The following LMNTD1 variants were observed in gnomAD, a reference collection of about 807,000 sequenced individuals.
LMNTD1 encodes lamin tail domain containing 1.
LMNTD1 carries 35 observed loss-of-function variants against 50.9 expected under a neutral mutation model. The ratio of observed to expected loss-of-function variants is 0.69; its 90% CI spans 0.53 to 0.91. The LOEUF (loss-of-function observed/expected upper bound fraction) is 0.91. Among genes scored for constraint, LMNTD1 ranks in the 40% least tolerant of loss-of-function variants. The probability of loss-of-function intolerance (pLI) is 0.00; values close to 1 mark genes in which losing one functional copy is unlikely to be tolerated. For synonymous variants in LMNTD1, 153 were observed against 161.9 expected, an observed-to-expected ratio of 0.94 and a Z score of 0.42; for missense variants, 470 against 475.5, an observed-to-expected ratio of 0.99 and a Z score of 0.11.
At chr12:25,568,100 G>T (rs1324587134) in intron 1 of LMNTD1, among the ~76,000 whole-genome samples, 1 of 152,196 alleles carries the variant, frequency 6.6e-6, no homozygotes, top group Non-Finnish European at 1.5e-5. Context: ...GGACAGTGAA[G>T]TCCAGTCTGA....
At chr12:25,612,977 T>C (rs986937208) in intron 1 of LMNTD1, among the ~76,000 whole-genome samples, 1 of 151,988 alleles carries the variant, frequency 6.6e-6, no homozygotes, top group East Asian at 1.9e-4. Flanking sequence ...AAGAAGGCAA[T>C]GGGATGATGG....
intron 1 of LMNTD1, among the ~76,000 whole-genome samples, chr12:25,562,620 T>C (rs1471547516): frequency 6.6e-6 from 1 of 152,182 alleles, no homozygotes; most frequent in Non-Finnish European, 1.5e-5. Context: ...GTCTTGGAGT[T>C]GGCTCTTCTC....
chr12:25,629,758 A>T (rs1946672837), intron 1 of LMNTD1, among the ~76,000 whole-genome samples: 1 of 152,202 alleles, frequency 6.6e-6, no homozygotes, highest in Non-Finnish European at 1.5e-5. Flanking sequence ...TATTAATTCC[A>T]TGATAGCAGT....
At chr12:25,532,325 T>C (rs1942279704) in intron 4 of LMNTD1, among the ~76,000 whole-genome samples, 1 of 152,166 alleles carries the variant, frequency 6.6e-6, no homozygotes, top group African/African-American at 2.4e-5. Flanking sequence ...AATTGGACAC[T>C]GTACTGGTCT....
chr12:25,532,786 T>G (rs1435009591), intron 4 of LMNTD1, among the ~76,000 whole-genome samples: 6 of 152,206 alleles, frequency 3.9e-5, no homozygotes, highest in African/African-American at 1.2e-4. Context: ...GATGTAGCAT[T>G]TTACTCTTTG....
At chr12:25,525,189 G>A (rs1941619280) in intron 6 of LMNTD1, among the ~76,000 whole-genome samples, 1 of 152,126 alleles carries the variant, frequency 6.6e-6, no homozygotes, top group Admixed American at 6.5e-5. Flanking sequence ...GTGTGTCCAT[G>A]GGTATATATG....
chr12:25,513,951 G>T (rs1210055723), intron 8 of LMNTD1, among the ~76,000 whole-genome samples: 1 of 149,926 alleles, frequency 6.7e-6, no homozygotes, highest in Non-Finnish European at 1.5e-5. Context: ...CATATACCAT[G>T]ACTCAGTATC....
At chr12:25,611,997 G>C (rs1015594503) in intron 1 of LMNTD1, among the ~76,000 whole-genome samples, 1 of 152,066 alleles carries the variant, frequency 6.6e-6, no homozygotes, top group Non-Finnish European at 1.5e-5. Context: ...TCATGGAACA[G>C]CAAAAAATTT....
At chr12:25,612,414 C>A (rs1842740140) in intron 1 of LMNTD1, among the ~76,000 whole-genome samples, 1 of 151,946 alleles carries the variant, frequency 6.6e-6, no homozygotes, top group South Asian at 2.1e-4. Flanking sequence ...GGCTTTGGAC[C>A]ATCTCTGTCC....
intron 1 of LMNTD1, among the ~76,000 whole-genome samples, chr12:25,611,057 TGAAGAGAAC>T (rs978964252): frequency 6.6e-6 from 1 of 151,810 alleles, no homozygotes; most frequent in Non-Finnish European, 1.5e-5. Context: ...AGAAGGAAAG[TGAAGAGAAC>T]GAAGAGAACC....
At chr12:25,547,743 C>T (rs1035607003) in intron 3 of LMNTD1, among the ~76,000 whole-genome samples, 1 of 151,750 alleles carries the variant, frequency 6.6e-6, no homozygotes, top group Non-Finnish European at 1.5e-5. Flanking sequence ...CTTAACAGCT[C>T]ATCTTGAGAA....
chr12:25,580,203 A>G (rs1442062212), intron 1 of LMNTD1, among the ~76,000 whole-genome samples: 1 of 152,162 alleles, frequency 6.6e-6, no homozygotes, highest in Non-Finnish European at 1.5e-5. Context: ...CAGATCATGC[A>G]TCATCTCTAT....
At position 25,519,586 on chromosome 12, in the gene LMNTD1, T is replaced by TAAAAAAAAAAAAAAAAAAAAAA. The variant is rs781742784; in HGVS notation, c.1016+271_1016+272insTTTTTTTTTTTTTTTTTTTTTT. On this transcript the variant is annotated intron_variant, in intron 7 of 9. Transcript: ENST00000458174. The stretch of plus-strand genomic sequence containing the variant: ...CTGGGTGACAGAGCGAGACTCTGTC[T>TAAAAAAAAAAAAAAAAAAAAAA]CAAAAAAAAAAAAAAAAAAAAAGTG... Among the ~76,000 whole-genome samples the TAAAAAAAAAAAAAAAAAAAAAA allele has an allele frequency of 1.1e-3, 86 of 74,914 alleles. 10 individuals carry two copies. The highest frequency in any genetic ancestry group is 8.2e-3 in the Middle Eastern group (1 of 122). The allele number at this position is 74,914 out of a possible 152,430, so 49.1% of individuals were successfully genotyped here.
intron 1 of LMNTD1, among the ~76,000 whole-genome samples, chr12:25,589,308 T>C (rs983834876): frequency 6.6e-6 from 1 of 152,224 alleles, no homozygotes; most frequent in Non-Finnish European, 1.5e-5. Context: ...AAAAATATGA[T>C]GTATTTTACA....
At chr12:25,644,336 T>C (rs948714032) in intron 1 of LMNTD1, among the ~76,000 whole-genome samples, 28 of 72,594 alleles carry the variant, frequency 3.9e-4, no homozygotes, top group East Asian at 9.8e-4. Flanking sequence ...AAAAAAAAAA[T>C]TAGCCAAGCA....
chr12:25,596,953 G>C (rs542073964), intron 1 of LMNTD1, among the ~76,000 whole-genome samples: 1 of 152,050 alleles, frequency 6.6e-6, no homozygotes, highest in East Asian at 1.9e-4. Flanking sequence ...CTTTTTGCTT[G>C]TTAGGTTGTT....
At chr12:25,641,271 T>C (rs527966668) in intron 1 of LMNTD1, among the ~76,000 whole-genome samples, 1 of 152,200 alleles carries the variant, frequency 6.6e-6, no homozygotes, top group Non-Finnish European at 1.5e-5. Context: ...CTAGGTAATA[T>C]TGATGTCTTG....
intron 1 of LMNTD1, among the ~76,000 whole-genome samples, chr12:25,627,709 C>T (rs542812376): frequency 6.6e-6 from 1 of 152,298 alleles, no homozygotes; most frequent in South Asian, 2.1e-4. Flanking sequence ...TATGTTTATT[C>T]CACAACACAT....
chr12:25,605,455 C>G (rs1470897015), intron 1 of LMNTD1, among the ~76,000 whole-genome samples: 2 of 152,120 alleles, frequency 1.3e-5, no homozygotes, highest in African/African-American at 4.8e-5. Flanking sequence ...AGGTTTTCTT[C>G]TAGGGTTTTT....
Sources: gnomAD v4.1 joint callset for allele counts (sites outside exome capture counted in the v4.1 genomes callset) on GRCh38, gnomAD v4.1.1 for gene constraint, MANE v1.5 for transcripts, NCBI Gene and HGNC (gene_info 2026-07-23, HGNC 2026-07-21) for gene names.